Variants in HTT observed in about 807,000 individuals in gnomAD.
The protein encoded by HTT is huntingtin, also known as huntington disease protein.
In HTT, 104 loss-of-function variants were observed where a neutral mutation model predicts 362.3. The observed-to-expected ratio is 0.29, with a 90% CI of 0.24 to 0.34. The LOEUF is 0.34. HTT is among the 10% of genes least tolerant of loss of function. HTT has a pLI of 1.00. For synonymous variants in HTT, 1,577 were observed against 1,548.7 expected (o/e 1.02, Z -0.43); for missense variants, 3,301 against 3,928.6 (o/e 0.84, Z 4.27).
chr4:3,135,948 G>T lies in HTT; in HGVS notation c.2678G>T (p.Gly893Val). The change falls in exon 20 of 67, where the codon GGG becomes GTG. Residue 893 changes from glycine (G) to valine (V), a missense_variant. Gly to Val is a moderately radical substitution (Grantham distance 109). Transcript: ENST00000355072. ...GCAAAAGCAGAAAACTTACACAGAG[G>T]GGCTCATCATTATACAGGGGTAAGC... The part of the protein sequence containing the change: ...LEAKAENLHR[G>V]AHHYTGLLKL... The T allele has an allele frequency of 6.2e-7, 1 of 1,603,568 alleles. No homozygotes were observed. The highest frequency in any genetic ancestry group is 1.1e-5 in the South Asian group (1 of 88,752).
Position 3,133,036 on chromosome 4 carries a change from C to T in HTT, c.2493+125C>T, listed in dbSNP as rs761923970. 1.2e-5 allele frequency: 9 copies of T among 723,918 alleles called. No homozygotes were observed. In the Middle Eastern group the frequency reaches 7.2e-4, roughly 58 times the overall value. The allele number at this position is 723,918 out of a possible 1,614,324, so 44.8% of individuals were successfully genotyped here. On this transcript the variant is annotated intron_variant, in intron 18 of 66. Transcript: ENST00000355072. ...CTAAAGCTGTAACCAGTAATACCCA[C>T]CATGTATCCATCTCTCAGCTTTAGA...
At chr4:3,186,799 C>T in intron 38 of HTT, 80 bp downstream of exon 38, 19 of 1,161,034 alleles carry the variant, frequency 1.6e-5, no homozygotes, top group South Asian at 5.6e-5. Flanking sequence ...CCCAGAATGT[C>T]TGAGTCAGTC....
At chr4:3,177,478 A>G in intron 34 of HTT, 91 bp downstream of exon 34, 1 of 843,442 alleles carries the variant, frequency 1.2e-6, no homozygotes. Flanking sequence ...AACTACTGTT[A>G]GGCATTTTTG....
rs201076881 is a variant in HTT at position 3,238,971 on chromosome 4, G to T, written c.9208G>T (p.Ala3070Ser). Residue 3070 changes from alanine to serine, a missense_variant, in exon 66 of 67, where the codon GCG (alanine) becomes TCG (serine). By Grantham distance (99) the Ala-to-Ser change is moderately conservative. This residue lies in a region of HTT where 753 missense variants were observed against 1,021.3 expected (regional missense o/e 0.74). Coordinates refer to ENST00000355072, the MANE Select transcript of HTT (RefSeq NM_001388492.1). ...FVSASTSPWV[A>S]AILPHVISRM... ...CAGCGCGTCCACCAGCCCGTGGGTC[G>T]CGGCGATGTATCCTCTCTGGGTCCC... 6.2e-7 allele frequency: 1 copy of T among 1,604,778 alleles called. No individual in the cohort carries two copies. Among genetic ancestry groups the T allele is most frequent in the Non-Finnish European group, 8.5e-7 (1 of 1,177,910 alleles).
At chr4:3,154,504 G>C (rs1477238937) in intron 27 of HTT, 85 bp downstream of exon 27, 6 of 1,536,780 alleles carry the variant, frequency 3.9e-6, no homozygotes, top group Admixed American at 2.1e-5. Context: ...TGGTGTTTTA[G>C]AGAAATAAAT....
At chr4:3,239,392 TCCCACC>T (rs1201810995) in intron 66 of HTT, among the ~76,000 whole-genome samples, 1 of 149,970 alleles carries the variant, frequency 6.7e-6, no homozygotes, top group Admixed American at 6.7e-5. Flanking sequence ...AAGATCCAGT[TCCCACC>T]CCCAGATGCT....
rs1720612360 is a variant in HTT, at chr4:3,220,242, A to G, written c.7303A>G (p.Ile2435Val). 1 of 1,613,944 alleles carries G rather than the reference A, an allele frequency of 6.2e-7. No homozygotes were observed. Among genetic ancestry groups the G allele is most frequent in the Admixed American group, 1.7e-5 (1 of 59,996 alleles). The change falls in exon 53 of 67, where the codon ATC becomes GTC. Residue 2435 changes from isoleucine (I) to valine (V), a missense_variant. Ile to Val is a conservative substitution (Grantham distance 29, BLOSUM62 3). Coordinates refer to ENST00000355072, the MANE Select transcript of HTT (RefSeq NM_001388492.1). ...GGATTTTGGCACAGCATTCCCTGAG[A>G]TCCCCGTGGAGTTCCTCCAGGAAAA... ...GGDFGTAFPE[I>V]PVEFLQEKEV...
chr4:3,144,139 T>C (rs61792530), intron 23 of HTT, among the ~76,000 whole-genome samples: 36,805 of 152,112 alleles, frequency 0.24, 5,732 homozygotes, highest in East Asian at 0.4. Context: ...TTTACATATA[T>C]ACATTTCTCA....
At position 3,146,565 on chromosome 4, in the gene HTT, C is replaced by T. The variant is rs139153151; in HGVS notation, c.3144-232C>T. Among the ~76,000 whole-genome samples the T allele has an allele frequency of 4.6e-5, 7 of 152,300 alleles. No individual in the cohort carries two copies. In the East Asian group the frequency reaches 9.6e-4, roughly 21 times the overall value. The stretch of plus-strand genomic sequence containing the variant: ...CTAGTAAAAGCATTCCTTCATTGGA[C>T]ACTTAGGCCCCAATACTTTCATTCA... On this transcript the variant is annotated intron_variant, in intron 24 of 66. Coordinates refer to ENST00000355072, the MANE Select transcript of HTT (RefSeq NM_001388492.1).
At chr4:3,150,231 A>G (rs1176876994) in intron 26 of HTT, among the ~76,000 whole-genome samples, 6 of 152,246 alleles carry the variant, frequency 3.9e-5, no homozygotes, top group African/African-American at 1.2e-4. Context: ...GACAGTAGCC[A>G]CTAAACACAT....
chr4:3,093,049 G>A (rs928388973), intron 2 of HTT, among the ~76,000 whole-genome samples: 1 of 152,176 alleles, frequency 6.6e-6, no homozygotes, highest in Non-Finnish European at 1.5e-5. Context: ...GAGCCCATAT[G>A]GAAGAATACC....
At chr4:3,199,097 G>A (rs898383365) in intron 40 of HTT, among the ~76,000 whole-genome samples, 4 of 152,234 alleles carry the variant, frequency 2.6e-5, no homozygotes, top group Admixed American at 6.5e-5. Flanking sequence ...GATTCGAGGC[G>A]CTGAGTGTTC....
Position 3,121,411 on chromosome 4 carries a change from G to A in HTT, c.1252G>A (p.Gly418Arg). The A allele has an allele frequency of 2.5e-6, 4 of 1,613,720 alleles. No individual in the cohort carries two copies. The highest frequency in any genetic ancestry group is 2.2e-5 in the South Asian group (2 of 91,050). ...KEESGGRSRS[G>R]SIVELIAGGG... is the part of the protein sequence containing the mutation. Reference sequence around the variant, plus strand: ...GGAGTCTGGTGGCCGAAGCCGTAGTGGGAGTATTGTGGAACTTATAGGCAA... The same window carrying A: ...GGAGTCTGGTGGCCGAAGCCGTAGTAGGAGTATTGTGGAACTTATAGGCAA... The change falls in exon 9 of 67, where the codon GGG (glycine) becomes AGG (arginine). Residue 418 changes from glycine to arginine, a missense_variant. Around this residue, in one of 4 missense-constraint regions of HTT, gnomAD observed 2,316 missense variants for 2,658.5 expected, o/e 0.87. Transcript: ENST00000355072.
rs200008242 is a variant in HTT at position 3,212,091 on chromosome 4, G to C, written c.6577G>C (p.Glu2193Gln). Residue 2193 changes from glutamate (E) to glutamine (Q), a missense_variant, in exon 48 of 67, where the codon GAG (glutamate) becomes CAG (glutamine). Around this residue, in one of 4 missense-constraint regions of HTT, gnomAD observed 220 missense variants for 218.5 expected, o/e 1.01. Coordinates refer to ENST00000355072, the MANE Select transcript of HTT (RefSeq NM_001388492.1). ...TGCTGTCCATCATGTCTTCCAGCCCGAGCTGCCTGCAGAGCCGGCGGCCTA... is the reference window on the plus strand; with the variant it reads ...TGCTGTCCATCATGTCTTCCAGCCCCAGCTGCCTGCAGAGCCGGCGGCCTA... The part of the protein sequence containing the change: ...LPAVHHVFQP[E>Q]LPAEPAAYWS... 1.2e-6 allele frequency: 2 copies of C among 1,613,938 alleles called. No individual in the cohort carries two copies. The highest frequency in any genetic ancestry group is 1.7e-6 in the Non-Finnish European group (2 of 1,179,900).
At chr4:3,160,936 T>G (rs1717410797) in intron 29 of HTT, among the ~76,000 whole-genome samples, 1 of 152,186 alleles carries the variant, frequency 6.6e-6, no homozygotes, top group Non-Finnish European at 1.5e-5. Flanking sequence ...TATTTATTTA[T>G]TATACTTTAA....
At chr4:3,199,278 C>T (rs1179559312) in intron 40 of HTT, among the ~76,000 whole-genome samples, 1 of 152,214 alleles carries the variant, frequency 6.6e-6, no homozygotes, top group Non-Finnish European at 1.5e-5. Context: ...CACGGCGGCT[C>T]ACGCCTTAAT....
intron 1 of HTT, among the ~76,000 whole-genome samples, chr4:3,079,053 G>A (rs746544769): frequency 5.3e-5 from 8 of 151,556 alleles, no homozygotes; most frequent in Non-Finnish European, 1.0e-4. Flanking sequence ...GCCCGGCCAC[G>A]CCTGGGTAAT....
intron 2 of HTT, among the ~76,000 whole-genome samples, chr4:3,094,567 C>T (rs1274729617): frequency 3.6e-5 from 5 of 137,142 alleles, no homozygotes; most frequent in Non-Finnish European, 7.8e-5. Flanking sequence ...CCGGACGGGG[C>T]GGGTGGCCGG....
rs756739222 is a variant in HTT, at chr4:3,173,060, C to T, written c.4095C>T (p.His1365=). 1.2e-6 allele frequency: 2 copies of T among 1,614,190 alleles called. No individual in the cohort carries two copies. Among genetic ancestry groups the T allele is most frequent in the Non-Finnish European group, 1.7e-6 (2 of 1,180,044 alleles). Reference sequence around the variant, plus strand: ...ACTGCTTCATGGCCCCGTACACCCACTTCACCCAGGCCCTCGCTGACGCCA... The same window carrying T: ...ACTGCTTCATGGCCCCGTACACCCATTTCACCCAGGCCCTCGCTGACGCCA... ...YHYCFMAPYT[H]FTQALADASL... The change falls in exon 31 of 67, where the codon CAC becomes CAT. Residue 1365 remains histidine (H), a synonymous_variant. Coordinates refer to ENST00000355072, the MANE Select transcript of HTT (RefSeq NM_001388492.1).
Sources: gnomAD v4.1 joint callset for allele counts (sites outside exome capture counted in the v4.1 genomes callset) on GRCh38, gnomAD v4.1.1 for gene constraint, gnomAD v4.1.1 regional missense constraint, MANE v1.5 for transcripts, NCBI Gene and HGNC (gene_info 2026-07-23, HGNC 2026-07-21) for gene names.